Variants in GPC6 observed in about 807,000 individuals in gnomAD.
The protein encoded by GPC6 is glypican-6.
Under a neutral mutation model 55.2 loss-of-function variants are expected in GPC6, and 14 were observed. That is an observed-to-expected ratio of 0.25 (90% CI 0.17 to 0.40). GPC6 has a LOEUF of 0.40. Among genes scored for constraint, GPC6 ranks in the 10% least tolerant of loss-of-function variants. The probability of loss-of-function intolerance (pLI) is 1.00; values close to 1 mark genes in which losing one functional copy is unlikely to be tolerated. For synonymous variants in GPC6, 278 were observed against 259.6 expected, an observed-to-expected ratio of 1.07 and a Z score of -0.68; for missense variants, 641 against 708.5, an observed-to-expected ratio of 0.90 and a Z score of 1.08.
At chr13:94,242,846 G>C (rs9584203) in intron 4 of GPC6, among the ~76,000 whole-genome samples, 1,754 of 151,904 alleles carry the variant, frequency 0.012, 28 homozygotes, top group African/African-American at 0.04. Flanking sequence ...TGTTGGGTTT[G>C]TAGTATGTAA....
chr13:93,583,558 A>G (rs1466254755), intron 2 of GPC6, among the ~76,000 whole-genome samples: 2 of 152,088 alleles, frequency 1.3e-5, no homozygotes, highest in African/African-American at 4.8e-5. Context: ...AGTTGGGTAC[A>G]GGCGCCTGCC....
At chr13:93,891,823 C>T (rs1469829172) in intron 3 of GPC6, among the ~76,000 whole-genome samples, 2 of 151,508 alleles carry the variant, frequency 1.3e-5, no homozygotes, top group Non-Finnish European at 2.9e-5. Flanking sequence ...ATCTGTCATA[C>T]ACATACTATA....
intron 2 of GPC6, among the ~76,000 whole-genome samples, chr13:93,656,573 A>G (rs1348361182): frequency 6.6e-6 from 1 of 152,080 alleles, no homozygotes; most frequent in East Asian, 1.9e-4. Flanking sequence ...TAGCCTGACT[A>G]TCCAGTTTTC....
chr13:94,263,477 C>T (rs1891709577), intron 4 of GPC6, among the ~76,000 whole-genome samples: 1 of 152,140 alleles, frequency 6.6e-6, no homozygotes. Context: ...GGTTTTTATA[C>T]CCCTGTGCCT....
chr13:93,665,120 G>A (rs954779278), intron 2 of GPC6, among the ~76,000 whole-genome samples: 1 of 152,138 alleles, frequency 6.6e-6, no homozygotes, highest in Non-Finnish European at 1.5e-5. Context: ...TTTATCCTAG[G>A]CATACACGCC....
At chr13:93,312,460 T>C (rs543671857) in intron 1 of GPC6, among the ~76,000 whole-genome samples, 2 of 152,326 alleles carry the variant, frequency 1.3e-5, no homozygotes, top group Admixed American at 6.5e-5. Flanking sequence ...TCCAGTGGTT[T>C]ATTTATTAAT....
intron 1 of GPC6, among the ~76,000 whole-genome samples, chr13:93,479,177 A>C (rs1350306448): frequency 3.3e-5 from 5 of 152,200 alleles, no homozygotes; most frequent in African/African-American, 1.2e-4. Context: ...ACTATTACCA[A>C]TTCAAAAAAT....
intron 2 of GPC6, among the ~76,000 whole-genome samples, chr13:93,718,690 T>A: frequency 6.6e-6 from 1 of 152,134 alleles, no homozygotes; most frequent in East Asian, 1.9e-4. Flanking sequence ...TATTCATATG[T>A]CCTTAATGGT....
intron 1 of GPC6, among the ~76,000 whole-genome samples, chr13:93,499,956 A>C (rs995807767): frequency 2.6e-5 from 4 of 152,118 alleles, no homozygotes; most frequent in African/African-American, 4.8e-5. Flanking sequence ...GTATCTTCCC[A>C]GCTTCATCTG....
intron 3 of GPC6, among the ~76,000 whole-genome samples, chr13:93,882,085 TTTTC>T (rs1262377362): frequency 1.3e-5 from 2 of 151,772 alleles, no homozygotes; most frequent in Admixed American, 6.6e-5. Context: ...CTCTTCTTTT[TTTTC>T]TTTCTTTCTT....
In GPC6 at chr13:93,797,314, T is replaced by C. The variant is rs185035505; in HGVS notation, c.320-32840T>C. Among the ~76,000 whole-genome samples the C allele has an allele frequency of 4.6e-3, 702 of 152,282 alleles. 8 individuals are homozygous for C. Among genetic ancestry groups the C allele is most frequent in the African/African-American group, 0.016 (673 of 41,550 alleles). On this transcript the variant is annotated intron_variant, in intron 2 of 8. Coordinates refer to ENST00000377047, the MANE Select transcript of GPC6 (RefSeq NM_005708.5). ...AATTTCTTATGAATGATAGGCTCCT[T>C]TCCACCATCTTCACAGAGGTTAGAC...
At chr13:94,202,467 A>C (rs550660733) in intron 4 of GPC6, among the ~76,000 whole-genome samples, 24 of 152,320 alleles carry the variant, frequency 1.6e-4, no homozygotes, top group Non-Finnish European at 2.9e-4. Flanking sequence ...AATGAGAGCC[A>C]AGTGAAAAGG....
chr13:94,147,217 A>G (rs73546076), intron 4 of GPC6, among the ~76,000 whole-genome samples: 13,095 of 152,182 alleles, frequency 0.086, 1,109 homozygotes, highest in African/African-American at 0.21. Flanking sequence ...TCATTTTCCT[A>G]TCTCCTGATT....
chr13:94,137,972 T>C lies in GPC6; in HGVS notation c.877+110078T>C, dbSNP rs577604990. ...CTGGACAACATTTTGAGAAATACTT[T>C]CATTTAAAAACAAGAAGCAAACAAA... is the stretch of plus-strand genomic sequence containing the variant. On this transcript the variant is annotated intron_variant, in intron 4 of 8. Transcript: ENST00000377047. Among the ~76,000 whole-genome samples, 14 of 152,298 alleles carry C rather than the reference T, an allele frequency of 9.2e-5. No individual in the cohort carries two copies. In the East Asian group the frequency reaches 1.5e-3, roughly 17 times the overall value.
At chr13:93,383,944 T>C (rs1875288862) in intron 1 of GPC6, among the ~76,000 whole-genome samples, 1 of 152,124 alleles carries the variant, frequency 6.6e-6, no homozygotes, top group African/African-American at 2.4e-5. Flanking sequence ...CAATATATTA[T>C]ATTTCACCTT....
At chr13:93,266,006 G>A (rs920248614) in intron 1 of GPC6, among the ~76,000 whole-genome samples, 3 of 151,964 alleles carry the variant, frequency 2.0e-5, no homozygotes, top group South Asian at 2.1e-4. Context: ...AAACCAGGGC[G>A]TTACTTCCTG....
At chr13:93,552,093 T>C (rs1875190929) in intron 2 of GPC6, among the ~76,000 whole-genome samples, 1 of 152,210 alleles carries the variant, frequency 6.6e-6, no homozygotes, top group Non-Finnish European at 1.5e-5. Context: ...GCTGAATGCC[T>C]TCTGTACATT....
At chr13:93,476,254 C>T (rs1266172162) in intron 1 of GPC6, among the ~76,000 whole-genome samples, 1 of 152,072 alleles carries the variant, frequency 6.6e-6, no homozygotes, top group Non-Finnish European at 1.5e-5. Context: ...ATTAGTATGA[C>T]TTGCTATTCC....
intron 3 of GPC6, among the ~76,000 whole-genome samples, chr13:93,986,659 A>G (rs1881046555): frequency 6.6e-6 from 1 of 152,182 alleles, no homozygotes; most frequent in Non-Finnish European, 1.5e-5. Flanking sequence ...ATTGGAACCA[A>G]TGAATTGTGG....
Sources: gnomAD v4.1 joint callset for allele counts (sites outside exome capture counted in the v4.1 genomes callset) on GRCh38, gnomAD v4.1.1 for gene constraint, MANE v1.5 for transcripts, NCBI Gene and HGNC (gene_info 2026-07-23, HGNC 2026-07-21) for gene names.